LDAH: variants seen among roughly 807,000 people sequenced by gnomAD.
LDAH encodes the protein lipid droplet associated hydrolase, also known as lipid droplet-associated hydrolase.
LDAH carries 26 observed loss-of-function variants against 29.6 expected under a neutral mutation model. The observed-to-expected ratio is 0.88, with a 90% CI of 0.64 to 1.22. LDAH has a LOEUF of 1.22. LDAH is among the 50% of genes most tolerant of loss of function. The pLI is 0.00. For synonymous variants in LDAH, 117 were observed against 133.0 expected, an observed-to-expected ratio of 0.88 and a Z score of 0.83; for missense variants, 344 against 387.3, an observed-to-expected ratio of 0.89 and a Z score of 0.94.
chr2:20,701,700 A>C, intron 5 of LDAH, 48 bp from the exon 6 acceptor site: 2 of 1,483,148 alleles, frequency 1.3e-6, no homozygotes, highest in Non-Finnish European at 1.9e-6. Flanking sequence ...TATAGAACAA[A>C]CACAAATTTC....
intron 6 of LDAH, among the ~76,000 whole-genome samples, chr2:20,689,051 A>G (rs1163789908): frequency 6.7e-6 from 1 of 149,940 alleles, no homozygotes; most frequent in Non-Finnish European, 1.5e-5. Context: ...ATGTGTTCTC[A>G]TTGTTCAACT....
rs534001202 is a variant in LDAH, at chr2:20,685,387, G to A, written c.*1516C>T. 7.3e-5 allele frequency: 63 copies of A among 858,172 alleles called. 2 individuals are homozygous for A. The South Asian group carries it at 1.2e-3, about 17-fold the overall frequency. The allele number at this position is 858,172 out of a possible 1,614,324, so 53.2% of individuals were successfully genotyped here. A position where few individuals can be genotyped will look rare whatever the true frequency, so the allele number is the denominator to read the frequency against. ...GGCCTCTCATGCAGATGCCAATAAA[G>A]GATCTGTGTACAGCCCTGTGCTTAC... On this transcript the variant is annotated 3_prime_UTR_variant, in exon 7 of 7. Coordinates refer to ENST00000237822, the MANE Select transcript of LDAH (RefSeq NM_021925.4).
chr2:20,777,689 C>T (rs1372038063), intron 3 of LDAH, among the ~76,000 whole-genome samples: 4 of 151,958 alleles, frequency 2.6e-5, no homozygotes, highest in Non-Finnish European at 5.9e-5. Context: ...GGATTACAGG[C>T]GTAAACCACC....
rs1004910389 is a variant in LDAH, at chr2:20,716,844, G to A, written c.704-15192C>T. ...TCTTGCCAACAATCTGAGCAATTTC[G>A]GAATTGGATTTTTTTTTCCCAGAGC... On this transcript the variant is annotated intron_variant, in intron 5 of 6. Coordinates refer to ENST00000237822, the MANE Select transcript of LDAH (RefSeq NM_021925.4). Among the ~76,000 whole-genome samples, 16 of 95,378 alleles carry A rather than the reference G, an allele frequency of 1.7e-4. 1 individual carries two copies. The highest frequency in any genetic ancestry group is 6.9e-4 in the South Asian group (2 of 2,902). 62.6% of individuals were successfully genotyped at this position (95,378 alleles called of 152,430 possible). A position where few individuals can be genotyped will look rare whatever the true frequency, so the allele number is the denominator to read the frequency against.
At chr2:20,783,836 T>A (rs1410302988) in intron 3 of LDAH, among the ~76,000 whole-genome samples, 1 of 152,126 alleles carries the variant, frequency 6.6e-6, no homozygotes, top group Non-Finnish European at 1.5e-5. Context: ...CTCAGCCTCC[T>A]GAGTAGGCTG....
intron 1 of LDAH, among the ~76,000 whole-genome samples, chr2:20,818,213 C>T (rs746367282): frequency 1.3e-5 from 2 of 152,130 alleles, no homozygotes; most frequent in South Asian, 2.1e-4. Context: ...CTGAAGGGTA[C>T]ACAAGGACTT....
intron 4 of LDAH, among the ~76,000 whole-genome samples, chr2:20,743,116 A>G (rs181453100): frequency 1.1e-4 from 16 of 152,132 alleles, no homozygotes; most frequent in African/African-American, 3.9e-4. Flanking sequence ...TAGTTAAATT[A>G]ATATAGACCA....
chr2:20,683,077 T>C (rs943834833), downstream of LDAH, among the ~76,000 whole-genome samples: 1 of 152,188 alleles, frequency 6.6e-6, no homozygotes, highest in Non-Finnish European at 1.5e-5. Context: ...TATAGAACCA[T>C]AGAACCACCC....
At chr2:20,717,038 A>C (rs781779359) in intron 5 of LDAH, among the ~76,000 whole-genome samples, 1 of 152,196 alleles carries the variant, frequency 6.6e-6, no homozygotes, top group Non-Finnish European at 1.5e-5. Context: ...TGATGGGTCA[A>C]CTGGATAGTC....
chr2:20,706,685 C>T (rs1664325342), intron 5 of LDAH, among the ~76,000 whole-genome samples: 1 of 149,100 alleles, frequency 6.7e-6, no homozygotes, highest in Non-Finnish European at 1.5e-5. Context: ...TACCCTCCTA[C>T]CTAAAATCCT....
At chr2:20,771,365 A>T (rs538253332) in intron 4 of LDAH, among the ~76,000 whole-genome samples, 1 of 152,390 alleles carries the variant, frequency 6.6e-6, no homozygotes, top group East Asian at 1.9e-4. Context: ...AGTAAAAAAT[A>T]ACAGAAGAGA....
chr2:20,765,741 G>T (rs568334949), intron 4 of LDAH, among the ~76,000 whole-genome samples: 2 of 152,170 alleles, frequency 1.3e-5, no homozygotes, highest in Admixed American at 1.3e-4. Context: ...AGCTAGCTTG[G>T]GCTTCTCTCA....
intron 3 of LDAH, among the ~76,000 whole-genome samples, chr2:20,785,997 T>A (rs6719878): frequency 0.057 from 8,657 of 152,272 alleles, 350 homozygotes; most frequent in East Asian, 0.15. Flanking sequence ...AAATTGGTAA[T>A]AAGTATATAT....
chr2:20,747,269 C>A (rs748534873), intron 4 of LDAH, among the ~76,000 whole-genome samples: 1 of 152,054 alleles, frequency 6.6e-6, no homozygotes, highest in Non-Finnish European at 1.5e-5. Context: ...AGTGAAGCTG[C>A]GACAAATAGT....
At chr2:20,776,069 A>G (rs1669805618) in intron 3 of LDAH, among the ~76,000 whole-genome samples, 1 of 152,166 alleles carries the variant, frequency 6.6e-6, no homozygotes, top group Non-Finnish European at 1.5e-5. Context: ...ATTTCAAAAT[A>G]TCACAAGACA....
chr2:20,726,869 A>G (rs1187325581), intron 5 of LDAH, among the ~76,000 whole-genome samples: 2 of 152,250 alleles, frequency 1.3e-5, no homozygotes, highest in African/African-American at 4.8e-5. Flanking sequence ...GCAACTTTTT[A>G]GACTGGCGTT....
intron 1 of LDAH, 50 bp downstream of exon 1, chr2:20,822,987 C>G (rs1458301570): frequency 6.6e-6 from 1 of 152,414 alleles, no homozygotes; most frequent in Non-Finnish European, 1.5e-5. Context: ...TGCCTGCCCA[C>G]CCGTCCTTCC....
chr2:20,796,627 C>T (rs987100225), intron 2 of LDAH, among the ~76,000 whole-genome samples: 2 of 152,232 alleles, frequency 1.3e-5, no homozygotes. Context: ...CAATTCATTC[C>T]CATGACTACA....
intron 1 of LDAH, among the ~76,000 whole-genome samples, chr2:20,816,159 A>G (rs932502426): frequency 6.6e-6 from 1 of 152,136 alleles, no homozygotes; most frequent in Non-Finnish European, 1.5e-5. Context: ...AACATGTCAA[A>G]TAGAATTCTG....
Sources: allele counts gnomAD v4.1 joint callset (sites outside exome capture counted in the v4.1 genomes callset), GRCh38; gene constraint gnomAD v4.1.1; transcripts MANE v1.5; gene names NCBI Gene and HGNC (gene_info 2026-07-23, HGNC 2026-07-21).